Variants in SEMA6A observed in about 807,000 individuals in gnomAD.
The protein encoded by SEMA6A is semaphorin-6A.
Under a neutral mutation model 96.8 loss-of-function variants are expected in SEMA6A, and 25 were observed. The ratio of observed to expected loss-of-function variants is 0.26; its 90% confidence interval spans 0.19 to 0.36. The LOEUF (loss-of-function observed/expected upper bound fraction) is 0.36. SEMA6A is among the 10% of genes least tolerant of loss of function. The pLI, the probability that SEMA6A is intolerant of heterozygous loss-of-function variation, is 1.00. For missense variants in SEMA6A, 1,363 were observed against 1,323.1 expected (o/e 1.03, Z -0.47); for synonymous variants, 612 against 518.0 (o/e 1.18, Z -2.46).
intron 1 of SEMA6A, among the ~76,000 whole-genome samples, chr5:116,559,503 T>A (rs966177644): frequency 2.0e-5 from 3 of 152,114 alleles, no homozygotes; most frequent in Non-Finnish European, 4.4e-5. Flanking sequence ...GACGCCGTTT[T>A]AGGCCTCAGC....
At chr5:116,487,095 CAA>C (rs59861509) in intron 9 of SEMA6A, 129 bp from the exon 10 acceptor site, 706 of 441,060 alleles carry the variant, frequency 1.6e-3, no homozygotes, top group African/African-American at 4.1e-3. Context: ...AAATCAGTAA[CAA>C]AAAAAAAAAA....
In SEMA6A at chr5:116,472,862, A is replaced by C. The variant is rs750140196; in HGVS notation, c.1729+211T>G. 42 of 1,482,996 alleles carry C rather than the reference A, an allele frequency of 2.8e-5. No homozygotes were observed. The Admixed American group carries it at 6.3e-4, about 22-fold the overall frequency. 91.9% of individuals were successfully genotyped at this position (1,482,996 alleles called of 1,614,324 possible). ...TGAATGACTTCACGAATTTAAAAAA[A>C]AAAAAAAAATCCGTAAACTGACCAT... On this transcript the variant is annotated intron_variant, in intron 17 of 18. Coordinates refer to ENST00000343348, the MANE Select transcript of SEMA6A (RefSeq NM_020796.5).
intron 1 of SEMA6A, among the ~76,000 whole-genome samples, chr5:116,554,002 G>A (rs1457111886): frequency 6.6e-6 from 1 of 152,158 alleles, no homozygotes; most frequent in African/African-American, 2.4e-5. Context: ...TTCCTGGAGA[G>A]GAGTGGGAAA....
intron 6 of SEMA6A, among the ~76,000 whole-genome samples, chr5:116,493,950 C>G (rs114128067): frequency 0.011 from 1,598 of 152,162 alleles, 25 homozygotes; most frequent in African/African-American, 0.037. Flanking sequence ...CTTCACACTC[C>G]CCCAACCCCC....
At chr5:116,546,803 G>C (rs982996617) in intron 1 of SEMA6A, among the ~76,000 whole-genome samples, 2 of 152,136 alleles carry the variant, frequency 1.3e-5, no homozygotes, top group Admixed American at 1.3e-4. Context: ...AAAACTCAGA[G>C]CCTGCAAACT....
intron 1 of SEMA6A, chr5:116,554,969 G>C (rs1465647512): frequency 6.6e-6 from 1 of 152,194 alleles, no homozygotes; most frequent in East Asian, 1.9e-4. Context: ...CTGTCCACTA[G>C]CATCTGGTCA....
intron 1 of SEMA6A, among the ~76,000 whole-genome samples, chr5:116,559,026 G>A (rs893151590): frequency 1.5e-4 from 23 of 152,152 alleles, no homozygotes; most frequent in African/African-American, 5.1e-4. Context: ...TACATGAACA[G>A]ATCATTTAGC....
At chr5:116,463,005 G>A (rs1231466295) in intron 18 of SEMA6A, among the ~76,000 whole-genome samples, 1 of 152,092 alleles carries the variant, frequency 6.6e-6, no homozygotes, top group Non-Finnish European at 1.5e-5. Context: ...AAAAAAAAGT[G>A]TCACTTTTCA....
Position 116,477,704 on chromosome 5 carries a change from G to A in SEMA6A, c.1649+142C>T, listed in dbSNP as rs1756528089. The A allele has an allele frequency of 1.3e-5, 10 of 760,204 alleles. No individual in the cohort carries two copies. In the South Asian group the frequency reaches 1.5e-4, roughly 11 times the overall value. The allele number at this position is 760,204 out of a possible 1,614,324, so 47.1% of individuals were successfully genotyped here. ...GTGAGGCTCTATGAAATGGGAAAGGGTAGGAGAAAGGCTGACAGTCCCGTT... is the reference window on the plus strand; with the variant it reads ...GTGAGGCTCTATGAAATGGGAAAGGATAGGAGAAAGGCTGACAGTCCCGTT... On this transcript the variant is annotated intron_variant, in intron 15 of 18. Coordinates refer to ENST00000343348, the MANE Select transcript of SEMA6A (RefSeq NM_020796.5).
intron 6 of SEMA6A, among the ~76,000 whole-genome samples, chr5:116,493,084 C>T (rs1166268454): frequency 6.6e-6 from 1 of 152,188 alleles, no homozygotes; most frequent in Admixed American, 6.5e-5. Flanking sequence ...GCCTGGGCTA[C>T]TGGAGCATGT....
chr5:116,516,998 CCT>C (rs922894504), intron 1 of SEMA6A, among the ~76,000 whole-genome samples: 28 of 152,238 alleles, frequency 1.8e-4, no homozygotes, highest in Admixed American at 8.5e-4. Context: ...TTTGCTATCC[CCT>C]GTTTCTCTAG....
At chr5:116,528,802 T>C (rs1759340248) in intron 1 of SEMA6A, among the ~76,000 whole-genome samples, 1 of 152,228 alleles carries the variant, frequency 6.6e-6, no homozygotes, top group African/African-American at 2.4e-5. Flanking sequence ...GGGACTGCTG[T>C]GGCTCTATAA....
intron 1 of SEMA6A, among the ~76,000 whole-genome samples, chr5:116,566,858 AG>A (rs1761046202): frequency 6.6e-6 from 1 of 152,160 alleles, no homozygotes; most frequent in African/African-American, 2.4e-5. Context: ...AAGCTTGGCC[AG>A]GGAAGAGTGA....
At chr5:116,456,118 G>A (rs184680803) in intron 18 of SEMA6A, among the ~76,000 whole-genome samples, 176 of 152,240 alleles carry the variant, frequency 1.2e-3, no homozygotes, top group African/African-American at 4.0e-3. Flanking sequence ...TAAAAATAAG[G>A]ATTTACAACT....
intron 3 of SEMA6A, among the ~76,000 whole-genome samples, chr5:116,498,253 C>G (rs992333242): frequency 6.6e-6 from 1 of 152,162 alleles, no homozygotes; most frequent in African/African-American, 2.4e-5. Context: ...ATAACATTGA[C>G]TTTCTCTAAA....
chr5:116,467,801 C>T, intron 17 of SEMA6A, 54 bp from the exon 18 acceptor site: 1 of 1,590,974 alleles, frequency 6.3e-7, no homozygotes, highest in Non-Finnish European at 8.6e-7. Flanking sequence ...ACCCACATTC[C>T]CTTTGCGCAG....
At chr5:116,569,800 A>C (rs1761138141) in intron 1 of SEMA6A, among the ~76,000 whole-genome samples, 1 of 152,204 alleles carries the variant, frequency 6.6e-6, no homozygotes, top group Non-Finnish European at 1.5e-5. Flanking sequence ...ACTATGATGG[A>C]GAAGACTATG....
chr5:116,562,579 GA>G, intron 1 of SEMA6A: 1 of 639,408 alleles, frequency 1.6e-6, no homozygotes, highest in Non-Finnish European at 2.9e-6. Flanking sequence ...CTCGAAAGGG[GA>G]AGGAAAAGGA....
chr5:116,563,483 T>C (rs77637330), intron 1 of SEMA6A, among the ~76,000 whole-genome samples: 2,340 of 152,326 alleles, frequency 0.015, 63 homozygotes, highest in African/African-American at 0.053. Flanking sequence ...TTCATGTCAC[T>C]ACTGGCTGAA....
Sources: gnomAD v4.1 joint callset for allele counts (sites outside exome capture counted in the v4.1 genomes callset) on GRCh38, gnomAD v4.1.1 for gene constraint, MANE v1.5 for transcripts, NCBI Gene and HGNC (gene_info 2026-07-23, HGNC 2026-07-21) for gene names.